The following DIAPH1 variants were observed in gnomAD, a reference collection of about 807,000 sequenced individuals.
DIAPH1 encodes the protein protein diaphanous homolog 1.
DIAPH1 carries 46 observed loss-of-function variants against 140.7 expected under a neutral mutation model. The observed-to-expected ratio is 0.33, with a 90% CI of 0.26 to 0.42. DIAPH1 has a LOEUF of 0.42. DIAPH1 is among the 10% of genes least tolerant of loss of function. The probability of loss-of-function intolerance (pLI) is 1.00; values close to 1 mark genes in which losing one functional copy is unlikely to be tolerated. For synonymous variants in DIAPH1, 565 were observed against 551.6 expected (o/e 1.02, Z -0.34); for missense variants, 1,310 against 1,558.7 (o/e 0.84, Z 2.69).
At chr5:141,561,050 T>G in intron 18 of DIAPH1, 1 of 409,950 alleles carries the variant, frequency 2.4e-6, no homozygotes, top group Non-Finnish European at 4.9e-6. Context: ...TGAGCCAAAA[T>G]AGCTCAACTG....
intron 18 of DIAPH1, among the ~76,000 whole-genome samples, chr5:141,568,940 A>G (rs2099894768): frequency 1.3e-5 from 2 of 152,090 alleles, no homozygotes; most frequent in Non-Finnish European, 2.9e-5. Context: ...TATTTCTTCA[A>G]CTGGATTAGT....
In DIAPH1 at chr5:141,571,985, CG is replaced by C. The variant is rs761493944; in HGVS notation, c.2413del (p.Arg805AlafsTer42). ...GGCGAAAAGTTCATTGTTCTCAAAG[CG>C]GTCCTCCTTCACCTTTGTCCAGAAG... The part of the protein sequence containing the change: ...DCFWTKVKED[R>X]FENNELFAKL... On this transcript the variant is annotated frameshift_variant, in exon 17 of 28. Transcript: ENST00000389054. LOFTEE classifies it high-confidence loss of function. The C allele has an allele frequency of 3.1e-6, 5 of 1,614,052 alleles. No homozygotes were observed.
At chr5:141,586,671 T>C (rs1424299874) in intron 3 of DIAPH1, among the ~76,000 whole-genome samples, 1 of 152,240 alleles carries the variant, frequency 6.6e-6, no homozygotes, top group Non-Finnish European at 1.5e-5. Context: ...GTTTCTCCTT[T>C]ATACAGAGTT....
intron 18 of DIAPH1, among the ~76,000 whole-genome samples, chr5:141,567,724 A>G (rs2099894592): frequency 6.6e-6 from 1 of 152,180 alleles, no homozygotes; most frequent in Non-Finnish European, 1.5e-5. Context: ...AAGAGATATC[A>G]CAGGGAAAAA....
intron 18 of DIAPH1, among the ~76,000 whole-genome samples, chr5:141,569,427 T>C (rs1401317159): frequency 6.6e-6 from 1 of 152,202 alleles, no homozygotes; most frequent in Non-Finnish European, 1.5e-5. Flanking sequence ...CAAACTGAAC[T>C]GGTTCAATAT....
At chr5:141,529,727 T>A (rs771054537) in intron 19 of DIAPH1, 30 bp from the exon 20 acceptor site, 1 of 1,587,262 alleles carries the variant, frequency 6.3e-7, no homozygotes, top group Non-Finnish European at 8.7e-7. Flanking sequence ...TAAGACATGT[T>A]CTTCTCGGTC....
intron 18 of DIAPH1, among the ~76,000 whole-genome samples, chr5:141,553,587 G>A (rs879299857): frequency 4.6e-5 from 7 of 152,074 alleles, no homozygotes; most frequent in Non-Finnish European, 1.0e-4. Context: ...AGGTTGCGGT[G>A]AGCCAAGATC....
Position 141,554,243 on chromosome 5 carries a change from C to G in DIAPH1, c.2482+17185G>C, listed in dbSNP as rs183306040. ...AGTGAGCCGAGATTGTGCCACCGCA[C>G]TCCAGCCTGGGCAACAAGAGCAAAA... On this transcript the variant is annotated intron_variant, in intron 18 of 27. Transcript: ENST00000389054. Among the ~76,000 whole-genome samples, 931 of 152,294 alleles carry G rather than the reference C, an allele frequency of 6.1e-3. 14 individuals are homozygous for G. In the South Asian group the frequency reaches 0.067, roughly 11 times the overall value.
intron 18 of DIAPH1, among the ~76,000 whole-genome samples, chr5:141,544,126 C>T (rs1279603215): frequency 1.3e-5 from 2 of 151,644 alleles, no homozygotes; most frequent in Non-Finnish European, 2.9e-5. Context: ...CTGGCTAACA[C>T]GGTGAAACCC....
chr5:141,520,247 AG>A (rs2099886311), intron 27 of DIAPH1, among the ~76,000 whole-genome samples: 1 of 152,208 alleles, frequency 6.6e-6, no homozygotes, highest in African/African-American at 2.4e-5. Context: ...TATTTACAAA[AG>A]TAGGGGGGAG....
intron 26 of DIAPH1, among the ~76,000 whole-genome samples, chr5:141,525,161 G>A (rs2099887126): frequency 6.6e-6 from 1 of 152,188 alleles, no homozygotes; most frequent in Non-Finnish European, 1.5e-5. Context: ...CTAAGGGCAA[G>A]GAAATTGCTT....
At chr5:141,616,445 G>A (rs892289842) in intron 1 of DIAPH1, among the ~76,000 whole-genome samples, 3 of 152,106 alleles carry the variant, frequency 2.0e-5, no homozygotes, top group East Asian at 1.9e-4. Context: ...AGGTGGAGGC[G>A]GCGAAAGACC....
rs1233801328 is a variant in DIAPH1, at chr5:141,588,247, G to A, written c.121C>T (p.Leu41=). The change falls in exon 2 of 28, where the codon CTG becomes TTG. Residue 41 remains leucine (L), a synonymous_variant. Coordinates refer to ENST00000389054, the MANE Select transcript of DIAPH1 (RefSeq NM_005219.5). ...ACCTCATCTGCCATGAGCCGCTTCA[G>A]AGTCTAGGAAACAGGAAAAAGGAGG... is the stretch of plus-strand genomic sequence containing the variant. ...GDGGKSKKFT[L]KRLMADELER... 6.2e-7 allele frequency: 1 copy of A among 1,612,272 alleles called. No homozygotes were observed. Among genetic ancestry groups the A allele is most frequent in the South Asian group, 1.1e-5 (1 of 90,984 alleles).
Position 141,574,138 on chromosome 5 carries a change from G to A in DIAPH1, c.1712C>T (p.Thr571Ile), listed in dbSNP as rs1562321607. The change falls in exon 16 of 28, where the codon ACT becomes ATT. Residue 571 changes from threonine (T) to isoleucine (I), a missense_variant. Thr to Ile is a moderately conservative substitution (Grantham distance 89). Around this residue, in one of 3 missense-constraint regions of DIAPH1, gnomAD observed 589 missense variants for 549.3 expected, o/e 1.07. Transcript: ENST00000389054. Reference sequence around the variant, plus strand: ...ACGACTAGGAACAGAAGGAGGTACAGTAATAGCTGCCGCAGAGAGGGAAGC... The same window carrying A: ...ACGACTAGGAACAGAAGGAGGTACAATAATAGCTGCCGCAGAGAGGGAAGC... ...EMASLSAAAI[T>I]VPPSVPSRAP... is the part of the protein sequence containing the mutation. 1.2e-6 allele frequency: 2 copies of A among 1,614,108 alleles called. No individual in the cohort carries two copies. The highest frequency in any genetic ancestry group is 1.7e-6 in the Non-Finnish European group (2 of 1,180,028).
chr5:141,549,392 TAA>T (rs1336851332), intron 18 of DIAPH1, among the ~76,000 whole-genome samples: 1 of 152,074 alleles, frequency 6.6e-6, no homozygotes, highest in Non-Finnish European at 1.5e-5. Context: ...TTAAAATATA[TAA>T]AGTTAAAAAT....
intron 18 of DIAPH1, among the ~76,000 whole-genome samples, chr5:141,541,061 C>T (rs373936679): frequency 6.6e-6 from 1 of 151,954 alleles, no homozygotes; most frequent in East Asian, 2.0e-4. Context: ...TATATGATGG[C>T]AGCAATTATA....
intron 1 of DIAPH1, among the ~76,000 whole-genome samples, chr5:141,593,244 A>T (rs1457389720): frequency 6.6e-6 from 1 of 152,236 alleles, no homozygotes; most frequent in Non-Finnish European, 1.5e-5. Context: ...AGAAGCAGTT[A>T]GATCCCTAGA....
Position 141,525,612 on chromosome 5 carries a change from G to A in DIAPH1, c.3574+426C>T, listed in dbSNP as rs1210079068. On this transcript the variant is annotated intron_variant, in intron 26 of 27. Transcript: ENST00000389054. ...ACTGTGCTAAGGTACTAGGGACATAGTACTTTGTGAAATAAGCAGAAAGGG... is the reference window on the plus strand; with the variant it reads ...ACTGTGCTAAGGTACTAGGGACATAATACTTTGTGAAATAAGCAGAAAGGG... 2.0e-5 allele frequency among the ~76,000 whole-genome samples: 3 copies of A among 152,126 alleles called. No homozygotes were observed. In the East Asian group the frequency reaches 5.8e-4, roughly 29 times the overall value.
rs140722018 is a variant in DIAPH1 at position 141,594,515 on chromosome 5, G to A, written c.118-6265C>T. ...ATGGCACTCTGGGAGGCTGAGACGG[G>A]TGGGTTACTTGAGACCAGGAGGTTG... On this transcript the variant is annotated intron_variant, in intron 1 of 27. Coordinates refer to ENST00000389054, the MANE Select transcript of DIAPH1 (RefSeq NM_005219.5). Among the ~76,000 whole-genome samples the A allele has an allele frequency of 8.6e-3, 1,308 of 152,300 alleles. 8 individuals carry two copies. The highest frequency in any genetic ancestry group is 0.024 in the Middle Eastern group (7 of 294).
Sources: gnomAD v4.1 joint callset for allele counts (sites outside exome capture counted in the v4.1 genomes callset) on GRCh38, gnomAD v4.1.1 for gene constraint, gnomAD v4.1.1 regional missense constraint, MANE v1.5 for transcripts, NCBI Gene and HGNC (gene_info 2026-07-23, HGNC 2026-07-21) for gene names.